The following CHST10 variants were observed in gnomAD, a reference collection of about 807,000 sequenced individuals.
CHST10 encodes the protein carbohydrate sulfotransferase 10.
A neutral mutation model predicts 34.7 loss-of-function variants in CHST10; 24 were observed. The ratio of observed to expected loss-of-function variants is 0.69; its 90% confidence interval spans 0.50 to 0.97. The LOEUF (loss-of-function observed/expected upper bound fraction) is 0.97, where lower values mean the gene tolerates loss of function less well. CHST10 is among the 50% of genes least tolerant of loss of function. The probability of loss-of-function intolerance (pLI) is 0.00; values close to 1 mark genes in which losing one functional copy is unlikely to be tolerated. For synonymous variants in CHST10, 161 were observed against 169.3 expected, an observed-to-expected ratio of 0.95 and a Z score of 0.38; for missense variants, 402 against 452.1, an observed-to-expected ratio of 0.89 and a Z score of 1.00.
chr2:100,413,912 A>G (rs1415617748), intron 2 of CHST10, among the ~76,000 whole-genome samples: 13 of 152,132 alleles, frequency 8.5e-5, no homozygotes, highest in Admixed American at 8.5e-4. Flanking sequence ...TTTTTCATTC[A>G]GCAATATTTA....
At chr2:100,409,170 G>A (rs1468442106) in intron 2 of CHST10, among the ~76,000 whole-genome samples, 1 of 152,126 alleles carries the variant, frequency 6.6e-6, no homozygotes, top group Non-Finnish European at 1.5e-5. Context: ...TCCAACCCCT[G>A]ATCACCCTCG....
intron 4 of CHST10, among the ~76,000 whole-genome samples, chr2:100,398,505 A>G (rs899178460): frequency 1.7e-4 from 26 of 152,184 alleles, no homozygotes; most frequent in African/African-American, 4.1e-4. Flanking sequence ...GGAGTTCGAG[A>G]TCAGCCTGGC....
chr2:100,415,164 C>T, intron 1 of CHST10, 53 bp from the exon 2 acceptor site: 1 of 1,100,940 alleles, frequency 9.1e-7, no homozygotes, highest in Non-Finnish European at 1.2e-6. Flanking sequence ...ACAAGATCAA[C>T]TTACTTAATA....
intron 6 of CHST10, among the ~76,000 whole-genome samples, chr2:100,394,777 ACG>A (rs1674974307): frequency 6.7e-6 from 1 of 149,402 alleles, no homozygotes; most frequent in East Asian, 2.0e-4. Context: ...CAGCTAGAGT[ACG>A]GTGGCCAGAT....
rs553744123 is a variant in CHST10, at chr2:100,414,142, A to C, written c.-33+899T>G. On this transcript the variant is annotated intron_variant, in intron 2 of 6. Coordinates refer to ENST00000264249, the MANE Select transcript of CHST10 (RefSeq NM_004854.5). ...GCAGGACAGATTGTGGGAGCAAGCC[A>C]TGCAGACCCCTGGGCAAAGACTGTG... Among the ~76,000 whole-genome samples, 5 of 152,288 alleles carry C rather than the reference A, an allele frequency of 3.3e-5. No homozygotes were observed. The South Asian group carries it at 1.0e-3, about 32-fold the overall frequency.
intron 4 of CHST10, 40 bp from the exon 5 acceptor site, chr2:100,398,182 A>T: frequency 1.3e-6 from 2 of 1,510,766 alleles, no homozygotes; most frequent in Non-Finnish European, 1.8e-6. Flanking sequence ...AGGGACCATT[A>T]AAGGAGGCAG....
At chr2:100,414,691 C>T (rs1007477380) in intron 2 of CHST10, among the ~76,000 whole-genome samples, 3 of 152,116 alleles carry the variant, frequency 2.0e-5, no homozygotes, top group Non-Finnish European at 2.9e-5. Context: ...TACAATTTAC[C>T]GCCTTGGAAC....
At chr2:100,399,504 C>A (rs1234267739) in intron 4 of CHST10, among the ~76,000 whole-genome samples, 1 of 152,196 alleles carries the variant, frequency 6.6e-6, no homozygotes, top group East Asian at 1.9e-4. Flanking sequence ...CTTGTTATAT[C>A]TTTTAAAATG....
In CHST10 at chr2:100,393,507, C is replaced by G. The variant is rs753676063; in HGVS notation, c.809G>C (p.Cys270Ser). 13 of 1,613,966 alleles carry G rather than the reference C, an allele frequency of 8.1e-6. No homozygotes were observed. Among genetic ancestry groups the G allele is most frequent in the Non-Finnish European group, 1.1e-5 (13 of 1,180,044 alleles). The change falls in exon 7 of 7, where the codon TGT becomes TCT. Residue 270 changes from cysteine to serine, a missense_variant. Physicochemically the swap from Cys to Ser is moderately radical, Grantham distance 112. Coordinates refer to ENST00000264249, the MANE Select transcript of CHST10 (RefSeq NM_004854.5). The stretch of plus-strand genomic sequence containing the variant: ...ACTGTACATTATCTCACAGGGAGCA[C>G]AGAGCTCTACATACGTCACCCAGTG... ...IIHWVTYVEL[C>S]APCEIMYSVI...
chr2:100,405,802 C>T (rs1675545107), intron 3 of CHST10, among the ~76,000 whole-genome samples: 3 of 152,184 alleles, frequency 2.0e-5, no homozygotes, highest in South Asian at 2.1e-4. Flanking sequence ...CTGGCTTCCT[C>T]GTGCTTGCCT....
intron 2 of CHST10, among the ~76,000 whole-genome samples, chr2:100,409,499 C>T (rs534163000): frequency 6.6e-6 from 1 of 152,058 alleles, no homozygotes; most frequent in East Asian, 1.9e-4. Flanking sequence ...TTCAGCTGGG[C>T]GGGGGGTCAG....
intron 2 of CHST10, among the ~76,000 whole-genome samples, chr2:100,414,811 C>A (rs1328584833): frequency 2.0e-5 from 3 of 152,076 alleles, no homozygotes; most frequent in Non-Finnish European, 4.4e-5. Context: ...ATACAGTAAA[C>A]ACCTGTATGG....
At chr2:100,406,755 T>C in intron 2 of CHST10, 48 bp from the exon 3 acceptor site, 1 of 1,336,686 alleles carries the variant, frequency 7.5e-7, no homozygotes, top group Non-Finnish European at 1.0e-6. Context: ...ATACATCAAG[T>C]CAACAAAGAG....
intron 2 of CHST10, chr2:100,408,264 G>C (rs1168626350): frequency 6.6e-6 from 1 of 151,734 alleles, no homozygotes; most frequent in Non-Finnish European, 1.5e-5. Context: ...ACCCAGCAGG[G>C]GCATGCCAAA....
At chr2:100,409,807 T>C (rs944721191) in intron 2 of CHST10, among the ~76,000 whole-genome samples, 4 of 152,150 alleles carry the variant, frequency 2.6e-5, no homozygotes, top group African/African-American at 9.7e-5. Context: ...CACATGGGTA[T>C]TTCATTTTCA....
At chr2:100,398,210 C>A in intron 4 of CHST10, 68 bp from the exon 5 acceptor site, 1 of 1,128,666 alleles carries the variant, frequency 8.9e-7, no homozygotes, top group Non-Finnish European at 1.3e-6. Context: ...CCAAGCAGAG[C>A]CGCTCCTGCT....
At chr2:100,403,754 T>C (rs980448682) in intron 3 of CHST10, among the ~76,000 whole-genome samples, 4 of 152,204 alleles carry the variant, frequency 2.6e-5, no homozygotes, top group African/African-American at 9.6e-5. Context: ...GTGTCTGTTA[T>C]TTCCTGGTCT....
At chr2:100,403,712 A>G (rs1317505779) in intron 3 of CHST10, among the ~76,000 whole-genome samples, 1 of 152,190 alleles carries the variant, frequency 6.6e-6, no homozygotes, top group Non-Finnish European at 1.5e-5. Flanking sequence ...CGCACTTTCC[A>G]GGAAATGGAA....
intron 6 of CHST10, among the ~76,000 whole-genome samples, chr2:100,394,594 G>A (rs1437518734): frequency 6.6e-6 from 1 of 152,180 alleles, no homozygotes; most frequent in African/African-American, 2.4e-5. Context: ...GACCCAGGAG[G>A]CAAAATCCAG....
Sources: gnomAD v4.1 joint callset for allele counts (sites outside exome capture counted in the v4.1 genomes callset) on GRCh38, gnomAD v4.1.1 for gene constraint, MANE v1.5 for transcripts, NCBI Gene and HGNC (gene_info 2026-07-23, HGNC 2026-07-21) for gene names.